Variants in COL9A1 observed in about 807,000 individuals in gnomAD.
COL9A1 encodes collagen type IX alpha 1 chain.
A neutral mutation model predicts 142.6 loss-of-function variants in COL9A1; 104 were observed. The ratio of observed to expected loss-of-function variants is 0.73; its 90% confidence interval spans 0.62 to 0.86. The LOEUF is 0.86. Among genes scored for constraint, COL9A1 ranks in the 40% least tolerant of loss-of-function variants. The pLI is 0.00. For missense variants in COL9A1, 1,210 were observed against 1,176.6 expected, an observed-to-expected ratio of 1.03 and a Z score of -0.42; for synonymous variants, 466 against 396.0, an observed-to-expected ratio of 1.18 and a Z score of -2.10.
At position 70,274,178 on chromosome 6, in the gene COL9A1, T is replaced by C. The variant is rs906802370; in HGVS notation, c.1030-96A>G. The C allele has an allele frequency of 2.4e-4, 231 of 949,608 alleles. 1 individual carries two copies. Among genetic ancestry groups the C allele is most frequent in the Middle Eastern group, 7.1e-4 (3 of 4,246 alleles). The allele number at this position is 949,608 out of a possible 1,614,324, so 58.8% of individuals were successfully genotyped here. A position where few individuals can be genotyped will look rare whatever the true frequency, so the allele number is the denominator to read the frequency against. ...ATATTGAAAGCATTAAAACACCCCA[T>C]TATGGTGTTTTTTTTTTTTAAATTT... On this transcript the variant is annotated intron_variant, in intron 11 of 37. Transcript: ENST00000357250.
rs748778822 is a variant in COL9A1, at chr6:70,268,828, T to A, written c.1263A>T (p.Gly421=). ...CCCTCATGCCTGGTAGGCCTGGATATCCTGAGCGACCTGGTGGACAGGCAT... is the reference window on the plus strand; with the variant it reads ...CCCTCATGCCTGGTAGGCCTGGATAACCTGAGCGACCTGGTGGACAGGCAT... ...CPNACPPGRS[G]YPGLPGMRGH... Residue 421 remains glycine, a synonymous_variant, in exon 17 of 38, where the codon GGA becomes GGT. Transcript: ENST00000357250. The A allele has an allele frequency of 6.2e-6, 10 of 1,613,944 alleles. No individual in the cohort carries two copies. Among genetic ancestry groups the A allele is most frequent in the Non-Finnish European group, 8.5e-6 (10 of 1,179,904 alleles).
rs1774086195 is a variant in COL9A1 at position 70,302,076 on chromosome 6, T to A, written c.15-2A>T. 6.2e-7 allele frequency: 1 copy of A among 1,607,388 alleles called. No individual in the cohort carries two copies. Among genetic ancestry groups the A allele is most frequent in the Non-Finnish European group, 8.5e-7 (1 of 1,176,556 alleles). ...ACAAAGAAGAAAACTGGAATTTTCC[T>A]GAAGAAGAGAGAAGAAAAATGACTG... is the stretch of plus-strand genomic sequence containing the variant. On this transcript the variant is annotated splice_acceptor_variant, in intron 1 of 37. Transcript: ENST00000357250. LOFTEE classifies it high-confidence loss of function.
At position 70,216,842 on chromosome 6, in the gene COL9A1, C is replaced by T; in HGVS notation, c.*55G>A. On this transcript the variant is annotated 3_prime_UTR_variant, in exon 38 of 38. Coordinates refer to ENST00000357250, the MANE Select transcript of COL9A1 (RefSeq NM_001851.6). ...CCCAGCTTTGGATGGTGTTTCTCAC[C>T]CAGGCTCCTTCACCAGGCGTGGTTC... The T allele has an allele frequency of 4.4e-6, 7 of 1,593,092 alleles. No homozygotes were observed. In the South Asian group the frequency reaches 7.8e-5, roughly 18 times the overall value.
intron 10 of COL9A1, 40 bp downstream of exon 10, chr6:70,280,772 C>A (rs752415159): frequency 1.3e-6 from 2 of 1,594,228 alleles, no homozygotes; most frequent in South Asian, 1.1e-5. Flanking sequence ...ACCCACCACA[C>A]ACCCCAGGCT....
rs182057745 is a variant in COL9A1 at position 70,293,672 on chromosome 6, C to T, written c.696+495G>A. On this transcript the variant is annotated intron_variant, in intron 5 of 37. Coordinates refer to ENST00000357250, the MANE Select transcript of COL9A1 (RefSeq NM_001851.6). ...ACACACACACACACACACACACACA[C>T]ACATTTTCATATACATATATCATCC... 9.9e-3 allele frequency among the ~76,000 whole-genome samples: 1,430 copies of T among 144,660 alleles called. 33 individuals carry two copies. Among genetic ancestry groups the T allele is most frequent in the African/African-American group, 0.036 (1,330 of 37,452 alleles). The allele number at this position is 144,660 out of a possible 152,430, so 94.9% of individuals were successfully genotyped here.
At chr6:70,271,405 C>T (rs1207573777) in intron 14 of COL9A1, among the ~76,000 whole-genome samples, 2 of 151,978 alleles carry the variant, frequency 1.3e-5, no homozygotes, top group African/African-American at 4.8e-5. Context: ...AAAATGAGGA[C>T]GACACTCTCT....
At chr6:70,226,085 A>G in intron 36 of COL9A1, 76 bp from the exon 37 acceptor site, 1 of 1,334,008 alleles carries the variant, frequency 7.5e-7, no homozygotes, top group Non-Finnish European at 1.1e-6. Flanking sequence ...ACTTTCAGCA[A>G]ATCTAAAATT....
chr6:70,224,219 G>A (rs914782571), intron 37 of COL9A1, among the ~76,000 whole-genome samples: 4 of 152,176 alleles, frequency 2.6e-5, no homozygotes, highest in African/African-American at 7.2e-5. Flanking sequence ...TTACTTACAC[G>A]TGGATGGTCT....
intron 17 of COL9A1, among the ~76,000 whole-genome samples, chr6:70,268,307 C>T (rs1348803806): frequency 1.3e-5 from 2 of 151,872 alleles, no homozygotes; most frequent in Non-Finnish European, 2.9e-5. Flanking sequence ...CTTGACTTCT[C>T]GAGCTCAAGT....
At chr6:70,257,970 A>T (rs1771427425) in intron 20 of COL9A1, among the ~76,000 whole-genome samples, 1 of 152,194 alleles carries the variant, frequency 6.6e-6, no homozygotes, top group Admixed American at 6.5e-5. Context: ...GGTTCAATTT[A>T]TATAAAGTAA....
At chr6:70,292,091 A>G (rs1256976223) in intron 5 of COL9A1, among the ~76,000 whole-genome samples, 2 of 152,224 alleles carry the variant, frequency 1.3e-5, no homozygotes, top group Non-Finnish European at 2.9e-5. Context: ...CTTAAAATGA[A>G]GTTTGAGAAA....
chr6:70,259,025 C>T (rs764136525), intron 20 of COL9A1, among the ~76,000 whole-genome samples: 19 of 152,008 alleles, frequency 1.2e-4, no homozygotes, highest in South Asian at 8.3e-4. Flanking sequence ...AATATGAATG[C>T]ATCTAATATG....
At position 70,270,331 on chromosome 6, in the gene COL9A1, CA is replaced by C; in HGVS notation, c.1179del (p.Gly394AlafsTer35). ...DPGRRGPPGP[P>X]GPPGPRGTIG... ...TAACTTACTCTGGGTCCTGGGGGGC[CA>C]GGGGGGCCAGGTGGTCCTCTTCTCC... On this transcript the variant is annotated frameshift_variant, in exon 15 of 38. Coordinates refer to ENST00000357250, the MANE Select transcript of COL9A1 (RefSeq NM_001851.6). LOFTEE classifies it high-confidence loss of function. 1.2e-6 allele frequency: 2 copies of C among 1,613,508 alleles called. No individual in the cohort carries two copies. The highest frequency in any genetic ancestry group is 8.5e-7 in the Non-Finnish European group (1 of 1,179,708).
chr6:70,226,114 G>T, intron 36 of COL9A1, 105 bp from the exon 37 acceptor site: 1 of 991,384 alleles, frequency 1.0e-6, no homozygotes. Context: ...AAAAGGTCAT[G>T]AAATTGCCAT....
At chr6:70,238,769 G>C (rs1583231452) in intron 33 of COL9A1, among the ~76,000 whole-genome samples, 2 of 152,296 alleles carry the variant, frequency 1.3e-5, no homozygotes, top group African/African-American at 4.8e-5. Flanking sequence ...CAGTGGTGAG[G>C]TATTTTTCTA....
At chr6:70,267,512 G>A (rs1478983534) in intron 17 of COL9A1, among the ~76,000 whole-genome samples, 2 of 151,648 alleles carry the variant, frequency 1.3e-5, no homozygotes, top group Non-Finnish European at 2.9e-5. Flanking sequence ...AGTAGAGACA[G>A]CGTTTCTCCA....
At chr6:70,272,867 G>A (rs1221173231) in intron 12 of COL9A1, among the ~76,000 whole-genome samples, 1 of 152,046 alleles carries the variant, frequency 6.6e-6, no homozygotes, top group Non-Finnish European at 1.5e-5. Flanking sequence ...CTGAATATCA[G>A]CTGCCTAGAT....
intron 34 of COL9A1, 57 bp downstream of exon 34, chr6:70,234,737 C>G (rs1351437778): frequency 6.2e-7 from 1 of 1,611,146 alleles, no homozygotes; most frequent in Non-Finnish European, 8.5e-7. Flanking sequence ...TAGAACAGCC[C>G]TGCTGCTGTG....
intron 28 of COL9A1, among the ~76,000 whole-genome samples, chr6:70,251,693 A>G (rs72923173): frequency 0.037 from 5,677 of 152,334 alleles, 176 homozygotes; most frequent in East Asian, 0.11. Flanking sequence ...AGAGGAAATG[A>G]TGGATGACTG....
Sources: gnomAD v4.1 joint callset for allele counts (sites outside exome capture counted in the v4.1 genomes callset) on GRCh38, gnomAD v4.1.1 for gene constraint, MANE v1.5 for transcripts, NCBI Gene and HGNC (gene_info 2026-07-23, HGNC 2026-07-21) for gene names.